The following TRIB3 variants were observed in gnomAD, a reference collection of about 807,000 sequenced individuals.
TRIB3 encodes the protein tribbles homolog 3.
A neutral mutation model predicts 16.6 loss-of-function variants in TRIB3; 20 were observed. The ratio of observed to expected loss-of-function variants is 1.20; its 90% CI spans 0.85 to 1.75. The LOEUF (loss-of-function observed/expected upper bound fraction) is 1.75. Among genes scored for constraint, TRIB3 ranks in the 40% most tolerant of loss-of-function variants. The pLI, the probability that TRIB3 is intolerant of heterozygous loss-of-function variation, is 0.00. For missense variants in TRIB3, 484 were observed against 488.9 expected (o/e 0.99, Z 0.10); for synonymous variants, 208 against 217.0 (o/e 0.96, Z 0.36).
At chr20:385,437 T>C (rs1438545561) in intron 1 of TRIB3, 3 of 151,128 alleles carry the variant, frequency 2.0e-5, no homozygotes, top group African/African-American at 7.3e-5. Flanking sequence ...TTTTAACTTT[T>C]CACTTTTTTT....
At position 391,376 on chromosome 20, in the gene TRIB3, G is replaced by A. The variant is rs931636083; in HGVS notation, c.381G>A (p.Leu127=). The A allele has an allele frequency of 6.2e-7, 1 of 1,613,542 alleles. No individual in the cohort carries two copies. Among genetic ancestry groups the A allele is most frequent in the East Asian group, 2.2e-5 (1 of 44,878 alleles). Residue 127 remains leucine, a synonymous_variant, in exon 3 of 4, where the codon CTG becomes CTA. Transcript: ENST00000217233. ...HKHVARPTEV[L]AGTQLLYAFF... is the part of the protein sequence containing the mutation. Reference sequence around the variant, plus strand: ...ATGTGGCTCGGCCCACTGAGGTCCTGGCTGGTACCCAGCTCCTCTACGCCT... The same window carrying A: ...ATGTGGCTCGGCCCACTGAGGTCCTAGCTGGTACCCAGCTCCTCTACGCCT...
rs545607556 is a variant in TRIB3, at chr20:382,675, A to G, written c.-1+1506A>G. Reference sequence around the variant, plus strand: ...TTTGTGTTTTCATTTCATCATCACGAAAAACCTGTAAGCTTTGCATCCTGT... The same window carrying G: ...TTTGTGTTTTCATTTCATCATCACGGAAAACCTGTAAGCTTTGCATCCTGT... On this transcript the variant is annotated intron_variant, in intron 1 of 3. Transcript: ENST00000217233. 26 of 1,186,560 alleles carry G rather than the reference A, an allele frequency of 2.2e-5. No homozygotes were observed. In the South Asian group the frequency reaches 3.2e-4, roughly 15 times the overall value. The allele number at this position is 1,186,560 out of a possible 1,614,324, so 73.5% of individuals were successfully genotyped here. A position where few individuals can be genotyped will look rare whatever the true frequency, so the allele number is the denominator to read the frequency against.
In TRIB3 at chr20:396,436, C is replaced by T. The variant is rs201177176; in HGVS notation, c.823C>T (p.Arg275Cys). The T allele has an allele frequency of 6.8e-5, 110 of 1,612,876 alleles. No homozygotes were observed. The highest frequency in any genetic ancestry group is 1.9e-4 in the South Asian group (17 of 91,084). The change falls in exon 4 of 4, where the codon CGC becomes TGC. Residue 275 changes from arginine to cysteine, a missense_variant. By Grantham distance (180) the Arg-to-Cys change is radical. Coordinates refer to ENST00000217233, the MANE Select transcript of TRIB3 (RefSeq NM_021158.5). ...TGTCCTGCTCTTCGGCAAGATCCGCCGCGGGGCCTACGCCTTGCCTGCAGG... is the reference window on the plus strand; with the variant it reads ...TGTCCTGCTCTTCGGCAAGATCCGCTGCGGGGCCTACGCCTTGCCTGCAGG... ...EPVLLFGKIR[R>C]GAYALPAGLS... is the part of the protein sequence containing the mutation.
At chr20:393,167 A>G (rs1429969784) in intron 3 of TRIB3, among the ~76,000 whole-genome samples, 3 of 152,104 alleles carry the variant, frequency 2.0e-5, no homozygotes, top group Non-Finnish European at 1.5e-5. Context: ...TACCCAAACT[A>G]TTAACTAAGC....
chr20:383,885 G>C (rs1290122249), intron 1 of TRIB3, among the ~76,000 whole-genome samples: 2 of 152,030 alleles, frequency 1.3e-5, no homozygotes, highest in African/African-American at 4.8e-5. Flanking sequence ...AAGACATAAG[G>C]GTCTGAAATA....
At position 392,127 on chromosome 20, in the gene TRIB3, C is replaced by T. The variant is rs536977238; in HGVS notation, c.584+548C>T. On this transcript the variant is annotated intron_variant, in intron 3 of 3. Transcript: ENST00000217233. ...TAGTAGCCGACAGTGACGAAAGCAT[C>T]GCCACATTATCTAACGTGGTCTTCC... 4.6e-5 allele frequency among the ~76,000 whole-genome samples: 7 copies of T among 152,216 alleles called. No homozygotes were observed. In the South Asian group the frequency reaches 1.2e-3, roughly 27 times the overall value.
rs190953516 is a variant in TRIB3, at chr20:396,316, G to C, written c.703G>C (p.Ala235Pro). Residue 235 changes from alanine (A) to proline (P), a missense_variant, in exon 4 of 4, where the codon GCC becomes CCC. Physicochemically the swap from Ala to Pro is conservative, Grantham distance 27. Transcript: ENST00000217233. The part of the protein sequence containing the change: ...YVGPEILSSR[A>P]SYSGKAADVW... ...GGGACCTGAGATACTCAGCTCACGG[G>C]CCTCATACTCGGGCAAGGCAGCCGA... 15 of 1,613,768 alleles carry C rather than the reference G, an allele frequency of 9.3e-6. No homozygotes were observed. The highest frequency in any genetic ancestry group is 1.7e-4 in the Middle Eastern group (1 of 6,060).
At chr20:389,458 G>C (rs1260299465) in intron 2 of TRIB3, among the ~76,000 whole-genome samples, 1 of 152,194 alleles carries the variant, frequency 6.6e-6, no homozygotes, top group African/African-American at 2.4e-5. Flanking sequence ...AGAAGCAGAA[G>C]GACTTAAGCC....
At position 396,773 on chromosome 20, in the gene TRIB3, C is replaced by T; in HGVS notation, c.*83C>T. On this transcript the variant is annotated 3_prime_UTR_variant, in exon 4 of 4. Coordinates refer to ENST00000217233, the MANE Select transcript of TRIB3 (RefSeq NM_021158.5). ...AGCCTTCTCCTGCCTCTGAACTGAGCCAAACCTTCAGTGCCTTCCAGAAGG... is the reference window on the plus strand; with the variant it reads ...AGCCTTCTCCTGCCTCTGAACTGAGTCAAACCTTCAGTGCCTTCCAGAAGG... 1.3e-6 allele frequency: 2 copies of T among 1,514,698 alleles called. No homozygotes were observed. The highest frequency in any genetic ancestry group is 1.8e-6 in the Non-Finnish European group (2 of 1,135,740). 93.8% of individuals were successfully genotyped at this position (1,514,698 alleles called of 1,614,324 possible).
chr20:384,432 C>T (rs1424449112), intron 1 of TRIB3, among the ~76,000 whole-genome samples: 10 of 152,224 alleles, frequency 6.6e-5, no homozygotes, highest in Middle Eastern at 3.4e-3. Flanking sequence ...GGCGAGATCT[C>T]AGCTCACTAC....
intron 1 of TRIB3, among the ~76,000 whole-genome samples, chr20:386,282 A>T (rs566065291): frequency 6.6e-6 from 1 of 151,950 alleles, no homozygotes; most frequent in Non-Finnish European, 1.5e-5. Context: ...GAACAAGATC[A>T]TATCTCTCAT....
intron 1 of TRIB3, among the ~76,000 whole-genome samples, chr20:387,093 C>T (rs1395595042): frequency 1.3e-5 from 2 of 152,098 alleles, no homozygotes; most frequent in African/African-American, 2.4e-5. Flanking sequence ...CTATAAAAGT[C>T]GGCCAAACAT....
rs948796972 is a variant in TRIB3 at position 388,283 on chromosome 20, C to T, written c.273C>T (p.Gly91=). 9 of 1,611,948 alleles carry T rather than the reference C, an allele frequency of 5.6e-6. No individual in the cohort carries two copies. Among genetic ancestry groups the T allele is most frequent in the Non-Finnish European group, 7.6e-6 (9 of 1,179,424 alleles). Residue 91 remains glycine (G), a synonymous_variant, in exon 2 of 4, where the codon GGC becomes GGT. Coordinates refer to ENST00000217233, the MANE Select transcript of TRIB3 (RefSeq NM_021158.5). ...RAYQALHCPT[G]TEYTCKVYPV... is the part of the protein sequence containing the mutation. ...ACCAGGCCCTGCACTGCCCTACAGG[C>T]ACTGAGTATACCTGCAAGGTACGTG...
intron 1 of TRIB3, among the ~76,000 whole-genome samples, chr20:387,780 C>T (rs2014858551): frequency 6.6e-6 from 1 of 152,146 alleles, no homozygotes. Context: ...CTATTGGACA[C>T]AAGGCTCTGA....
Position 397,022 on chromosome 20 carries a change from G to A in TRIB3, c.*332G>A, listed in dbSNP as rs2015149944. 1 of 271,620 alleles carries A rather than the reference G, an allele frequency of 3.7e-6. No individual in the cohort carries two copies. Among genetic ancestry groups the A allele is most frequent in the Non-Finnish European group, 7.0e-6 (1 of 142,324 alleles). 16.8% of individuals were successfully genotyped at this position (271,620 alleles called of 1,614,324 possible). ...GACCATAGGTCACTGTCTACACTGG[G>A]TACACTTTGTACCAGTGTCGGCCTC... On this transcript the variant is annotated 3_prime_UTR_variant, in exon 4 of 4. Coordinates refer to ENST00000217233, the MANE Select transcript of TRIB3 (RefSeq NM_021158.5).
In TRIB3 at chr20:396,371, C is replaced by G; in HGVS notation, c.758C>G (p.Thr253Ser). The change falls in exon 4 of 4, where the codon ACC (threonine) becomes AGC (serine). Residue 253 changes from threonine to serine, a missense_variant. Thr to Ser is a moderately conservative substitution (Grantham distance 58). Transcript: ENST00000217233. ...TGGAGCCTGGGCGTGGCGCTCTTCA[C>G]CATGCTGGCCGGCCACTACCCCTTC... ...DVWSLGVALFTMLAGHYPFQD... is the reference protein window; with the variant it reads ...DVWSLGVALFSMLAGHYPFQD... 1 of 1,613,558 alleles carries G rather than the reference C, an allele frequency of 6.2e-7. No homozygotes were observed. The highest frequency in any genetic ancestry group is 8.5e-7 in the Non-Finnish European group (1 of 1,180,044).
In TRIB3 at chr20:396,610, G is replaced by A. The variant is rs1379820878; in HGVS notation, c.997G>A (p.Ala333Thr). 1.9e-6 allele frequency: 3 copies of A among 1,613,004 alleles called. No homozygotes were observed. Among genetic ancestry groups the A allele is most frequent in the Non-Finnish European group, 2.5e-6 (3 of 1,180,046 alleles). Residue 333 changes from alanine to threonine, a missense_variant, in exon 4 of 4, where the codon GCC becomes ACC. Physicochemically the swap from Ala to Thr is moderately conservative, Grantham distance 58. Transcript: ENST00000217233. ...AACCCGATCCCATCTCTGGGAGGCT[G>A]CCCAGGTGGTCCCTGATGGACTGGG... is the stretch of plus-strand genomic sequence containing the variant. The part of the protein sequence containing the change: ...APTRSHLWEA[A>T]QVVPDGLGLD...
At chr20:385,414 AT>A (rs35941123) in intron 1 of TRIB3, 20,934 of 137,432 alleles carry the variant, frequency 0.15, 1,747 homozygotes, top group Admixed American at 0.28. Context: ...CGCCCGGCCT[AT>A]TTTTTTTTTT....
intron 3 of TRIB3, 101 bp from the exon 4 acceptor site, chr20:396,097 G>T: frequency 6.7e-7 from 1 of 1,502,132 alleles, no homozygotes; most frequent in Non-Finnish European, 8.9e-7. Context: ...TCAAAGGCCA[G>T]CAGGCACTTG....
Sources: gnomAD v4.1 joint callset for allele counts (sites outside exome capture counted in the v4.1 genomes callset) on GRCh38, gnomAD v4.1.1 for gene constraint, MANE v1.5 for transcripts, NCBI Gene and HGNC (gene_info 2026-07-23, HGNC 2026-07-21) for gene names.